Variants in DDX4 observed in about 807,000 individuals in gnomAD.
DDX4 encodes the protein DEAD-box helicase 4, also known as probable ATP-dependent RNA helicase DDX4.
Under a neutral mutation model 100.0 loss-of-function variants are expected in DDX4, and 25 were observed. That is an observed-to-expected ratio of 0.25 (90% CI 0.18 to 0.35). DDX4 has a LOEUF of 0.35. DDX4 is among the 10% of genes least tolerant of loss of function. The pLI is 1.00. For missense variants in DDX4, 635 were observed against 882.4 expected (o/e 0.72, Z 3.55); for synonymous variants, 259 against 275.7 (o/e 0.94, Z 0.60).
At chr5:55,771,781 C>G (rs1741267196) in intron 7 of DDX4, among the ~76,000 whole-genome samples, 1 of 152,054 alleles carries the variant, frequency 6.6e-6, no homozygotes, top group Non-Finnish European at 1.5e-5. Flanking sequence ...TTTTTTTGGA[C>G]TAATGGAATG....
In DDX4 at chr5:55,781,963, G is replaced by A. The variant is rs987029382; in HGVS notation, c.607G>A (p.Gly203Ser). 6.2e-7 allele frequency: 1 copy of A among 1,614,010 alleles called. No individual in the cohort carries two copies. The highest frequency in any genetic ancestry group is 8.5e-7 in the Non-Finnish European group (1 of 1,179,996). ...GNGDTSQSRS[G>S]SGSERGGYKG... is the part of the protein sequence containing the mutation. ...TGGTGATACTTCTCAAAGCAGAAGT[G>A]GCAGTGGAAGTGAACGAGGTAAGTT... Residue 203 changes from glycine (G) to serine (S), a missense_variant, in exon 10 of 22, where the codon GGC becomes AGC. By Grantham distance (56) the Gly-to-Ser change is moderately conservative. Around this residue, in one of 4 missense-constraint regions of DDX4, gnomAD observed 446 missense variants for 540.8 expected, o/e 0.82. Transcript: ENST00000505374.
chr5:55,802,307 T>G (rs1452395221), intron 18 of DDX4, among the ~76,000 whole-genome samples: 1 of 152,174 alleles, frequency 6.6e-6, no homozygotes, highest in Non-Finnish European at 1.5e-5. Context: ...TTTAGAATGT[T>G]TGATTTTAGT....
At chr5:55,802,936 C>CTT (rs151226172) in intron 18 of DDX4, among the ~76,000 whole-genome samples, 6 of 151,118 alleles carry the variant, frequency 4.0e-5, no homozygotes, top group Admixed American at 1.3e-4. Context: ...TATTTTCTTT[C>CTT]TTTTTTTTTA....
chr5:55,793,703 C>G (rs916919622), intron 17 of DDX4, among the ~76,000 whole-genome samples: 1 of 152,206 alleles, frequency 6.6e-6, no homozygotes, highest in African/African-American at 2.4e-5. Context: ...TTCCCAGACT[C>G]ATGCACCATA....
At chr5:55,761,755 G>C (rs1440181694) in intron 4 of DDX4, among the ~76,000 whole-genome samples, 1 of 151,982 alleles carries the variant, frequency 6.6e-6, no homozygotes, top group African/African-American at 2.4e-5. Flanking sequence ...TTACAGGTGT[G>C]CGCCACCACG....
At chr5:55,810,204 A>G (rs1255866998) in intron 18 of DDX4, among the ~76,000 whole-genome samples, 1 of 151,940 alleles carries the variant, frequency 6.6e-6, no homozygotes, top group Non-Finnish European at 1.5e-5. Flanking sequence ...TCCTGGGTTC[A>G]AGCGATTCTC....
intron 5 of DDX4, 133 bp downstream of exon 5, chr5:55,763,385 C>T (rs1740687434): frequency 1.6e-6 from 1 of 625,174 alleles, no homozygotes. Context: ...TGCCTTTGCA[C>T]TAAAGATTAT....
chr5:55,780,963 T>G, intron 8 of DDX4, 103 bp from the exon 9 acceptor site: 1 of 916,260 alleles, frequency 1.1e-6, no homozygotes, highest in Non-Finnish European at 1.6e-6. Flanking sequence ...TTACCCTGCA[T>G]CTTTTAACTT....
chr5:55,805,610 C>A (rs897095499), intron 18 of DDX4, among the ~76,000 whole-genome samples: 8 of 152,252 alleles, frequency 5.3e-5, no homozygotes, highest in East Asian at 3.9e-4. Flanking sequence ...GGCTCTGTTT[C>A]TATGCTGGAT....
At chr5:55,793,023 A>AGTGTGTGTGTGTGTGTGTGT (rs10551567) in intron 17 of DDX4, among the ~76,000 whole-genome samples, 4 of 144,664 alleles carry the variant, frequency 2.8e-5, no homozygotes, top group Non-Finnish European at 6.1e-5. Context: ...TTATTTAAAA[A>AGTGTGTGTGTGTGTGTGTGT]GTGTGTGTGT....
chr5:55,766,454 T>TC (rs1448029428), intron 6 of DDX4, among the ~76,000 whole-genome samples: 1 of 151,368 alleles, frequency 6.6e-6, no homozygotes, highest in African/African-American at 2.4e-5. Flanking sequence ...TTTTTTTTTT[T>TC]CTCGAAAGCA....
At chr5:55,747,733 T>C (rs1018233086) in intron 3 of DDX4, among the ~76,000 whole-genome samples, 2 of 152,148 alleles carry the variant, frequency 1.3e-5, no homozygotes, top group African/African-American at 4.8e-5. Flanking sequence ...TAACTCCCCA[T>C]TTCCTCCTCT....
At chr5:55,807,234 T>A (rs567072693) in intron 18 of DDX4, among the ~76,000 whole-genome samples, 1 of 152,310 alleles carries the variant, frequency 6.6e-6, no homozygotes, top group East Asian at 1.9e-4. Context: ...ATGAGCTGGG[T>A]CTCCTGAATA....
At chr5:55,776,272 AAC>A (rs1484939130) in intron 7 of DDX4, among the ~76,000 whole-genome samples, 1 of 152,212 alleles carries the variant, frequency 6.6e-6, no homozygotes, top group African/African-American at 2.4e-5. Flanking sequence ...GGAAATGGAA[AAC>A]ACGAGAGTGG....
At chr5:55,802,079 A>C (rs1743351259) in intron 18 of DDX4, among the ~76,000 whole-genome samples, 1 of 152,206 alleles carries the variant, frequency 6.6e-6, no homozygotes, top group Non-Finnish European at 1.5e-5. Flanking sequence ...CTTAAAAAAA[A>C]GTATCTGGTC....
Position 55,786,552 on chromosome 5 carries a change from A to C in DDX4, c.899A>C (p.Asn300Thr). 1 of 1,613,408 alleles carries C rather than the reference A, an allele frequency of 6.2e-7. No individual in the cohort carries two copies. The highest frequency in any genetic ancestry group is 8.5e-7 in the Non-Finnish European group (1 of 1,179,410). ...FEEANLCQTL[N>T]NNIAKAGYTK... Reference sequence around the variant, plus strand: ...GAAGCTAATCTCTGTCAGACACTGAATAACAACATTGCTAAAGCTGGTTAT... The same window carrying C: ...GAAGCTAATCTCTGTCAGACACTGACTAACAACATTGCTAAAGCTGGTTAT... Residue 300 changes from asparagine to threonine, a missense_variant, in exon 14 of 22, where the codon AAT (asparagine) becomes ACT (threonine). Asn to Thr is a moderately conservative substitution (Grantham distance 65). Transcript: ENST00000505374.
At chr5:55,745,150 G>A (rs148468393) in intron 2 of DDX4, among the ~76,000 whole-genome samples, 3,785 of 152,230 alleles carry the variant, frequency 0.025, 61 homozygotes, top group South Asian at 0.051. Flanking sequence ...CAAAGTGCTT[G>A]GATTACAGGT....
At chr5:55,786,357 G>A (rs1396879764) in intron 13 of DDX4, among the ~76,000 whole-genome samples, 161 bp from the exon 14 acceptor site, 2 of 152,062 alleles carry the variant, frequency 1.3e-5, no homozygotes, top group Non-Finnish European at 2.9e-5. Context: ...TAATATACAG[G>A]CTTTGAATAT....
intron 15 of DDX4, among the ~76,000 whole-genome samples, chr5:55,789,920 C>CTT (rs926967049): frequency 6.6e-6 from 1 of 152,070 alleles, no homozygotes; most frequent in African/African-American, 2.4e-5. Context: ...CTTGAAATCA[C>CTT]TTTAATATCA....
Sources: allele counts gnomAD v4.1 joint callset (sites outside exome capture counted in the v4.1 genomes callset), GRCh38; gene constraint gnomAD v4.1.1; regional missense constraint gnomAD v4.1.1; transcripts MANE v1.5; gene names NCBI Gene and HGNC (gene_info 2026-07-23, HGNC 2026-07-21).